Variants in RYR2 observed in about 807,000 individuals in gnomAD.
RYR2 encodes the protein ryanodine receptor 2.
Under a neutral mutation model 601.1 loss-of-function variants are expected in RYR2, and 227 were observed. The observed-to-expected ratio is 0.38, with a 90% confidence interval of 0.34 to 0.42. RYR2 has a LOEUF of 0.42. Among genes scored for constraint, RYR2 ranks in the 10% least tolerant of loss-of-function variants. The probability of loss-of-function intolerance (pLI) is 1.00; values close to 1 mark genes in which losing one functional copy is unlikely to be tolerated. For missense variants in RYR2, 4,646 were observed against 6,156.5 expected (o/e 0.75, Z 8.21); for synonymous variants, 2,223 against 2,175.1 (o/e 1.02, Z -0.61).
intron 29 of RYR2, among the ~76,000 whole-genome samples, chr1:237,582,981 T>G (rs2148384358): frequency 6.6e-6 from 1 of 151,828 alleles, no homozygotes; most frequent in Middle Eastern, 3.4e-3. Context: ...AGTTCTGTTT[T>G]AAGTTCTTTG....
intron 38 of RYR2, among the ~76,000 whole-genome samples, chr1:237,620,969 CT>C (rs1484903685): frequency 6.6e-6 from 1 of 152,144 alleles, no homozygotes; most frequent in African/African-American, 2.4e-5. Context: ...GGTACACACT[CT>C]TTTCAAGTGT....
intron 12 of RYR2, among the ~76,000 whole-genome samples, chr1:237,427,900 G>A (rs1030446820): frequency 2.0e-5 from 3 of 149,166 alleles, no homozygotes; most frequent in African/African-American, 7.4e-5. Flanking sequence ...TGGTATTGAA[G>A]AGTGCAAGAT....
intron 96 of RYR2, among the ~76,000 whole-genome samples, 183 bp downstream of exon 96, chr1:237,795,514 C>G (rs1373152770): frequency 6.6e-6 from 1 of 151,540 alleles, no homozygotes; most frequent in Admixed American, 6.6e-5. Context: ...TGCAGTAGCG[C>G]GATCTCAGCT....
chr1:237,775,108 G>C (rs1045246179), intron 87 of RYR2, among the ~76,000 whole-genome samples: 1 of 141,120 alleles, frequency 7.1e-6, no homozygotes, highest in Non-Finnish European at 1.5e-5. Flanking sequence ...GAAGTAACAA[G>C]TAACTTCTCT....
At chr1:237,363,485 A>G (rs1385342874) in intron 4 of RYR2, among the ~76,000 whole-genome samples, 1 of 152,104 alleles carries the variant, frequency 6.6e-6, no homozygotes, top group Non-Finnish European at 1.5e-5. Context: ...TATATTGGAA[A>G]ACTTTTCCTT....
At chr1:237,798,222 ATTAATACATTT>A in intron 97 of RYR2, 52 bp downstream of exon 97, 1 of 1,528,004 alleles carries the variant, frequency 6.5e-7, no homozygotes, top group Non-Finnish European at 8.9e-7. Flanking sequence ...AGGGGAAAAC[ATTAATACATTT>A]TTAAACTTGT....
At chr1:237,317,173 T>C (rs1268985110) in intron 2 of RYR2, among the ~76,000 whole-genome samples, 1 of 152,158 alleles carries the variant, frequency 6.6e-6, no homozygotes, top group Non-Finnish European at 1.5e-5. Context: ...AGAAACAGTG[T>C]ATATATAGGC....
chr1:237,661,844 G>C (rs2148850927), intron 56 of RYR2, among the ~76,000 whole-genome samples: 1 of 152,244 alleles, frequency 6.6e-6, no homozygotes, highest in Admixed American at 6.5e-5. Context: ...GCAAGAGTAA[G>C]GCACAGCCTT....
chr1:237,759,776 A>G lies in RYR2; in HGVS notation c.11326A>G (p.Lys3776Glu), dbSNP rs1558357338. 4 of 1,606,920 alleles carry G rather than the reference A, an allele frequency of 2.5e-6. No homozygotes were observed. The highest frequency in any genetic ancestry group is 3.4e-6 in the Non-Finnish European group (4 of 1,173,546). Residue 3776 changes from lysine (K) to glutamate (E), a missense_variant and splice_region_variant, in exon 83 of 105, where the codon AAA becomes GAA. By Grantham distance (56) the Lys-to-Glu change is moderately conservative. This residue lies in a region of RYR2 where 1,497 missense variants were observed against 1,842.6 expected (regional missense o/e 0.81). Coordinates refer to ENST00000366574, the MANE Select transcript of RYR2 (RefSeq NM_001035.3). ...CACGTGGTTTCTATAATTCCCATAG[A>G]AAATGCTTGACTACCTCAAGGAGAA... Reference protein sequence around the residue: ...LNGGNSTVQQKMLDYLKEKKD... With the variant: ...LNGGNSTVQQEMLDYLKEKKD...
chr1:237,375,722 G>A (rs1274679222), intron 7 of RYR2, among the ~76,000 whole-genome samples: 2 of 152,148 alleles, frequency 1.3e-5, no homozygotes, highest in Non-Finnish European at 2.9e-5. Flanking sequence ...ATTTTGTTTT[G>A]TACAGGCTCT....
chr1:237,819,210 T>G lies in RYR2; in HGVS notation c.14590+18T>G. On this transcript the variant is annotated intron_variant, in intron 101 of 104. Transcript: ENST00000366574. The surrounding 1 kb of genome is among the most constrained non-coding windows in gnomAD (Gnocchi z 4.0). ...AATACAAGGTAAGTATCCTCCTCAC[T>G]GAAGCTGATGAACATCTAGAATTTG... 6.2e-7 allele frequency: 1 copy of G among 1,603,176 alleles called. No homozygotes were observed. The highest frequency in any genetic ancestry group is 1.1e-5 in the South Asian group (1 of 90,628).
At chr1:237,478,408 CA>C (rs1661643074) in intron 17 of RYR2, among the ~76,000 whole-genome samples, 1 of 152,162 alleles carries the variant, frequency 6.6e-6, no homozygotes, top group Non-Finnish European at 1.5e-5. Flanking sequence ...AGTGACACTA[CA>C]AATGTGCTTA....
At chr1:237,613,088 G>C (rs940049473) in intron 36 of RYR2, among the ~76,000 whole-genome samples, 1 of 152,172 alleles carries the variant, frequency 6.6e-6, no homozygotes, top group Non-Finnish European at 1.5e-5. Context: ...AATATGATGA[G>C]TTTCAAAATC....
chr1:237,324,870 G>A (rs377151122), intron 2 of RYR2, among the ~76,000 whole-genome samples: 3 of 152,178 alleles, frequency 2.0e-5, no homozygotes, highest in African/African-American at 7.2e-5. Flanking sequence ...GAAAGGCAGT[G>A]TGAAAAGCAT....
chr1:237,602,988 A>G (rs1475475087), intron 35 of RYR2, among the ~76,000 whole-genome samples: 1 of 152,228 alleles, frequency 6.6e-6, no homozygotes, highest in Non-Finnish European at 1.5e-5. Flanking sequence ...ATGTGAAAAC[A>G]TTCTAGAGAA....
intron 38 of RYR2, among the ~76,000 whole-genome samples, chr1:237,620,362 G>C (rs1039270237): frequency 4.1e-5 from 2 of 48,842 alleles, no homozygotes; most frequent in Non-Finnish European, 1.1e-4. Context: ...AAGTACCACA[G>C]ATAAAATAGG....
intron 12 of RYR2, among the ~76,000 whole-genome samples, chr1:237,435,645 T>C (rs1487310087): frequency 6.6e-6 from 1 of 152,184 alleles, no homozygotes; most frequent in Non-Finnish European, 1.5e-5. Flanking sequence ...AATGAACCCA[T>C]TGAAGCCTTC....
intron 79 of RYR2, among the ~76,000 whole-genome samples, chr1:237,738,103 G>T (rs1278088327): frequency 6.6e-6 from 1 of 152,126 alleles, no homozygotes; most frequent in Non-Finnish European, 1.5e-5. Flanking sequence ...ATCCACGGAT[G>T]TTACTTTTGC....
chr1:237,552,923 C>T (rs1486471065), intron 27 of RYR2, among the ~76,000 whole-genome samples: 7 of 151,856 alleles, frequency 4.6e-5, no homozygotes, highest in Non-Finnish European at 1.0e-4. Context: ...AGTATAATTA[C>T]CGAGGCATAT....
Sources: gnomAD v4.1 joint callset for allele counts (sites outside exome capture counted in the v4.1 genomes callset) on GRCh38, gnomAD v4.1.1 for gene constraint, gnomAD v4.1.1 regional missense constraint, Gnocchi (gnomAD v3.1) non-coding constraint, MANE v1.5 for transcripts, NCBI Gene and HGNC (gene_info 2026-07-23, HGNC 2026-07-21) for gene names.